Variants in RORB observed in about 807,000 individuals in gnomAD.
The protein encoded by RORB is nuclear receptor ROR-beta.
In RORB, 6 loss-of-function variants were observed where a neutral mutation model predicts 59.1. The ratio of observed to expected loss-of-function variants is 0.10; its 90% CI spans 0.06 to 0.20. RORB has a LOEUF of 0.20. Among genes scored for constraint, RORB ranks in the 10% least tolerant of loss-of-function variants. RORB has a pLI of 1.00. For missense variants in RORB, 320 were observed against 560.5 expected, an observed-to-expected ratio of 0.57 and a Z score of 4.33; for synonymous variants, 215 against 204.5, an observed-to-expected ratio of 1.05 and a Z score of -0.44.
At chr9:74,577,176 G>A (rs192754547) in intron 1 of RORB, among the ~76,000 whole-genome samples, 1 of 151,778 alleles carries the variant, frequency 6.6e-6, no homozygotes. Flanking sequence ...ATTTTGCTGG[G>A]TTTTTTTTCT....
intron 9 of RORB, among the ~76,000 whole-genome samples, chr9:74,681,233 C>T (rs1824542364): frequency 6.6e-6 from 1 of 152,162 alleles, no homozygotes; most frequent in Non-Finnish European, 1.5e-5. Context: ...GTGGAGGCTG[C>T]TCTGAGCTCC....
At chr9:74,575,010 A>C (rs942890502) in intron 1 of RORB, among the ~76,000 whole-genome samples, 5 of 152,124 alleles carry the variant, frequency 3.3e-5, no homozygotes, top group Non-Finnish European at 1.5e-5. Context: ...GTAAATAACT[A>C]TAAGAAATTG....
At position 74,685,476 on chromosome 9, in the gene RORB, T is replaced by C. The variant is rs1824624919; in HGVS notation, c.1238T>C (p.Ile413Thr). 6.2e-7 allele frequency: 1 copy of C among 1,611,110 alleles called. No individual in the cohort carries two copies. The highest frequency in any genetic ancestry group is 1.3e-5 in the African/African-American group (1 of 74,862). ...DETLAKLIAK[I>T]PTITAVCNLH... ...TCCGTTCTGCAGTTAATAGCCAAGA[T>C]ACCAACCATCACGGCAGTTTGCAAC... Residue 413 changes from isoleucine to threonine, a missense_variant, in exon 10 of 10, where the codon ATA becomes ACA. Physicochemically the swap from Ile to Thr is moderately conservative, Grantham distance 89. Transcript: ENST00000376896.
At chr9:74,556,928 G>C (rs1822302493) in intron 1 of RORB, among the ~76,000 whole-genome samples, 1 of 152,108 alleles carries the variant, frequency 6.6e-6, no homozygotes, top group African/African-American at 2.4e-5. Context: ...ATAGATTCTG[G>C]ATGTCTTGAC....
chr9:74,504,099 T>A (rs1825837763), intron 1 of RORB, among the ~76,000 whole-genome samples: 1 of 152,052 alleles, frequency 6.6e-6, no homozygotes, highest in African/African-American at 2.4e-5. Flanking sequence ...AAAATATACC[T>A]ACGTGGCCAT....
chr9:74,516,502 T>C (rs12378141), intron 1 of RORB, among the ~76,000 whole-genome samples: 45,162 of 151,866 alleles, frequency 0.3, 7,068 homozygotes, highest in Admixed American at 0.39. Flanking sequence ...AGTTTTGTTG[T>C]ACTGAGATAA....
At chr9:74,575,263 T>C (rs1290449561) in intron 1 of RORB, among the ~76,000 whole-genome samples, 1 of 152,144 alleles carries the variant, frequency 6.6e-6, no homozygotes, top group Admixed American at 6.6e-5. Context: ...ACCTCCTTGA[T>C]GGCTCCAGAA....
chr9:74,541,635 T>A (rs1010181398), intron 1 of RORB, among the ~76,000 whole-genome samples: 1 of 152,204 alleles, frequency 6.6e-6, no homozygotes, highest in Non-Finnish European at 1.5e-5. Context: ...TGTTGATGTG[T>A]GTTTAAACTG....
intron 8 of RORB, among the ~76,000 whole-genome samples, chr9:74,671,051 C>T (rs1053808222): frequency 6.6e-6 from 1 of 151,400 alleles, no homozygotes; most frequent in African/African-American, 2.4e-5. Context: ...ATTTTGTCAC[C>T]GTGGTGTATA....
chr9:74,549,600 GGAAGGAAGAAAGGAA>G lies in RORB; in HGVS notation c.7+51619_7+51633del, dbSNP rs1826569442. 3.8e-5 allele frequency among the ~76,000 whole-genome samples: 2 copies of G among 52,186 alleles called. 1 individual carries two copies. Among genetic ancestry groups the G allele is most frequent in the African/African-American group, 2.0e-4 (2 of 10,210 alleles). The allele number at this position is 52,186 out of a possible 152,430, so 34.2% of individuals were successfully genotyped here. A position where few individuals can be genotyped will look rare whatever the true frequency, so the allele number is the denominator to read the frequency against. ...AGGAAGGAAGGAAGGAAGGAAGGAA[GGAAGGAAGAAAGGAA>G]GGAAGGAAGGAAGAAAGGAAAGAAA... On this transcript the variant is annotated intron_variant, in intron 1 of 9. Transcript: ENST00000376896.
intron 1 of RORB, among the ~76,000 whole-genome samples, chr9:74,568,529 G>A (rs1316610077): frequency 2.6e-5 from 4 of 151,694 alleles, no homozygotes; most frequent in East Asian, 1.9e-4. Flanking sequence ...GTGAAACCCC[G>A]TCTCTACTAA....
At chr9:74,600,301 T>C (rs1823035180) in intron 1 of RORB, among the ~76,000 whole-genome samples, 1 of 152,252 alleles carries the variant, frequency 6.6e-6, no homozygotes, top group Admixed American at 6.5e-5. Flanking sequence ...CAAAAAATCT[T>C]GGACACTAGA....
intron 4 of RORB, among the ~76,000 whole-genome samples, chr9:74,654,102 T>A (rs1262920197): frequency 6.6e-6 from 1 of 152,230 alleles, no homozygotes; most frequent in Non-Finnish European, 1.5e-5. Context: ...ATTTTTCATA[T>A]ATTTCTTTAA....
chr9:74,622,519 A>AC (rs1823439132), intron 1 of RORB, among the ~76,000 whole-genome samples: 1 of 74,142 alleles, frequency 1.3e-5, no homozygotes, highest in Non-Finnish European at 2.3e-5. Context: ...TACAACCCAG[A>AC]TTTTTTTTTT....
intron 1 of RORB, among the ~76,000 whole-genome samples, chr9:74,592,160 C>T (rs146454438): frequency 5.3e-5 from 8 of 152,274 alleles, no homozygotes; most frequent in African/African-American, 1.9e-4. Flanking sequence ...AGGATTCTCA[C>T]ATCCCTAGAA....
At chr9:74,652,886 C>T (rs1440190069) in intron 4 of RORB, among the ~76,000 whole-genome samples, 1 of 152,212 alleles carries the variant, frequency 6.6e-6, no homozygotes, top group Non-Finnish European at 1.5e-5. Context: ...AAATCTCCTA[C>T]TCTTCCTCCG....
At chr9:74,558,139 AT>A (rs1822336178) in intron 1 of RORB, among the ~76,000 whole-genome samples, 1 of 152,028 alleles carries the variant, frequency 6.6e-6, no homozygotes, top group Non-Finnish European at 1.5e-5. Flanking sequence ...AAACTACTAT[AT>A]TTTTCCCATA....
intron 9 of RORB, 66 bp from the exon 10 acceptor site, chr9:74,685,397 G>T: frequency 1.5e-6 from 2 of 1,322,538 alleles, no homozygotes; most frequent in Admixed American, 2.3e-5. Flanking sequence ...AAAGGACACT[G>T]GTTCCACAGA....
chr9:74,582,101 A>G (rs989581018), intron 1 of RORB, among the ~76,000 whole-genome samples: 31 of 152,188 alleles, frequency 2.0e-4, no homozygotes, highest in African/African-American at 6.8e-4. Flanking sequence ...AGTTAGCAGC[A>G]TGGATGAAAT....
Sources: gnomAD v4.1 joint callset for allele counts (sites outside exome capture counted in the v4.1 genomes callset) on GRCh38, gnomAD v4.1.1 for gene constraint, MANE v1.5 for transcripts, NCBI Gene and HGNC (gene_info 2026-07-23, HGNC 2026-07-21) for gene names.